TMEM163: variants seen among roughly 807,000 people sequenced by gnomAD.
TMEM163 encodes the protein transmembrane protein 163.
In TMEM163, 17 loss-of-function variants were observed where a neutral mutation model predicts 29.3. The observed-to-expected ratio is 0.58, with a 90% CI of 0.40 to 0.87. The LOEUF (loss-of-function observed/expected upper bound fraction) is 0.87, where lower values mean the gene tolerates loss of function less well. Among genes scored for constraint, TMEM163 ranks in the 40% least tolerant of loss-of-function variants. TMEM163 has a pLI of 0.00. For missense variants in TMEM163, 303 were observed against 381.5 expected (o/e 0.79, Z 1.71); for synonymous variants, 157 against 160.6 (o/e 0.98, Z 0.17).
At chr2:134,558,210 G>C (rs1681090499) in intron 2 of TMEM163, among the ~76,000 whole-genome samples, 1 of 152,154 alleles carries the variant, frequency 6.6e-6, no homozygotes, top group African/African-American at 2.4e-5. Context: ...TCAGTGGTTT[G>C]TTAATGGCCC....
intron 2 of TMEM163, among the ~76,000 whole-genome samples, chr2:134,694,230 T>C (rs544590157): frequency 6.6e-6 from 1 of 152,326 alleles, no homozygotes; most frequent in African/African-American, 2.4e-5. Flanking sequence ...AGGTAAACCA[T>C]TCAATTAACC....
rs549334292 is a variant in TMEM163 at position 134,665,410 on chromosome 2, C to T, written c.322+47790G>A. 5.3e-4 allele frequency among the ~76,000 whole-genome samples: 80 copies of T among 152,250 alleles called. 1 individual carries two copies. The highest frequency in any genetic ancestry group is 1.5e-3 in the African/African-American group (61 of 41,554). On this transcript the variant is annotated intron_variant, in intron 2 of 7. Coordinates refer to ENST00000281924, the MANE Select transcript of TMEM163 (RefSeq NM_030923.5). Reference sequence around the variant, plus strand: ...CTTATTCACTATCATGAGAACGGCACGGGAAAACATGCCTCCATGATTCAA... The same window carrying T: ...CTTATTCACTATCATGAGAACGGCATGGGAAAACATGCCTCCATGATTCAA...
chr2:134,604,730 T>G (rs1240406094), intron 2 of TMEM163, among the ~76,000 whole-genome samples: 1 of 152,194 alleles, frequency 6.6e-6, no homozygotes, highest in Non-Finnish European at 1.5e-5. Context: ...AGCAACCCAA[T>G]TTTTCAAAAT....
At chr2:134,606,962 G>C (rs1682386271) in intron 2 of TMEM163, among the ~76,000 whole-genome samples, 2 of 146,236 alleles carry the variant, frequency 1.4e-5, no homozygotes, top group African/African-American at 5.4e-5. Flanking sequence ...CCCGAGAACT[G>C]TACTGGTGAA....
intron 2 of TMEM163, among the ~76,000 whole-genome samples, chr2:134,708,017 G>A (rs1157455407): frequency 6.6e-6 from 1 of 151,748 alleles, no homozygotes; most frequent in Admixed American, 6.6e-5. Context: ...CTCCCAAGTA[G>A]CTGGGATAAC....
At chr2:134,493,436 C>G (rs1467864708) in intron 5 of TMEM163, among the ~76,000 whole-genome samples, 2 of 122,176 alleles carry the variant, frequency 1.6e-5, no homozygotes, top group East Asian at 2.9e-4. Context: ...TACAGTGGTG[C>G]AGTCTCAGCT....
rs144261926 is a variant in TMEM163, at chr2:134,678,116, G to A, written c.322+35084C>T. ...GATTCTGCTGCTTCTGCTCCAGAAC[G>A]TCCATTTTCCTGGACTGCACTGGGC... On this transcript the variant is annotated intron_variant, in intron 2 of 7. Transcript: ENST00000281924. Among the ~76,000 whole-genome samples, 694 of 152,286 alleles carry A rather than the reference G, an allele frequency of 4.6e-3. 4 individuals are homozygous for A. The highest frequency in any genetic ancestry group is 0.016 in the African/African-American group (658 of 41,554).
At chr2:134,509,555 G>A (rs966211509) in intron 4 of TMEM163, among the ~76,000 whole-genome samples, 4 of 152,196 alleles carry the variant, frequency 2.6e-5, no homozygotes, top group Admixed American at 6.5e-5. Flanking sequence ...CAGCCACAGC[G>A]ACCGCTTCAC....
intron 1 of TMEM163, among the ~76,000 whole-genome samples, chr2:134,716,521 C>G (rs1252154393): frequency 6.6e-6 from 1 of 152,102 alleles, no homozygotes; most frequent in African/African-American, 2.4e-5. Flanking sequence ...AATACAGGTG[C>G]AGATCCGAGG....
chr2:134,558,128 C>T (rs1463723874), intron 2 of TMEM163, among the ~76,000 whole-genome samples: 2 of 152,068 alleles, frequency 1.3e-5, no homozygotes, highest in Non-Finnish European at 2.9e-5. Flanking sequence ...TCTAACAGGG[C>T]GGCATATGAC....
At chr2:134,617,609 A>G (rs1682636824) in intron 2 of TMEM163, among the ~76,000 whole-genome samples, 1 of 152,148 alleles carries the variant, frequency 6.6e-6, no homozygotes, top group Non-Finnish European at 1.5e-5. Flanking sequence ...CTCAAAAAAA[A>G]AAAAAAATCA....
chr2:134,514,407 TAA>T (rs1240279249), intron 4 of TMEM163, among the ~76,000 whole-genome samples: 2 of 89,192 alleles, frequency 2.2e-5, no homozygotes, highest in Non-Finnish European at 4.4e-5. Context: ...TTTTTTTTTT[TAA>T]AAAAAGAGGT....
At chr2:134,696,068 A>G (rs1281941081) in intron 2 of TMEM163, among the ~76,000 whole-genome samples, 2 of 96,648 alleles carry the variant, frequency 2.1e-5, no homozygotes, top group Non-Finnish European at 4.1e-5. Flanking sequence ...AAAAAAAAAA[A>G]GGTTTAAATT....
chr2:134,491,632 G>A (rs970066037), intron 5 of TMEM163, among the ~76,000 whole-genome samples: 1 of 152,206 alleles, frequency 6.6e-6, no homozygotes. Context: ...TCTGGAAGGA[G>A]TGGTTTTATT....
chr2:134,524,712 T>C (rs1401182630), intron 4 of TMEM163, among the ~76,000 whole-genome samples: 1 of 150,472 alleles, frequency 6.6e-6, no homozygotes, highest in Non-Finnish European at 1.5e-5. Flanking sequence ...TTCCTTTTTA[T>C]GGCTGCGTAG....
intron 2 of TMEM163, among the ~76,000 whole-genome samples, chr2:134,701,395 T>C (rs984242616): frequency 2.2e-4 from 33 of 152,210 alleles, no homozygotes; most frequent in African/African-American, 7.5e-4. Context: ...GGTAGCACAG[T>C]ATAATAAAGA....
chr2:134,487,418 C>A (rs1679339828), intron 5 of TMEM163, among the ~76,000 whole-genome samples: 1 of 151,932 alleles, frequency 6.6e-6, no homozygotes, highest in African/African-American at 2.4e-5. Flanking sequence ...TAAAAGAAAA[C>A]CTTAACAGAG....
chr2:134,474,089 A>G (rs750300568), intron 5 of TMEM163, among the ~76,000 whole-genome samples: 2 of 152,242 alleles, frequency 1.3e-5, no homozygotes, highest in Non-Finnish European at 2.9e-5. Flanking sequence ...GCTCTCATGA[A>G]TCAGACTTAA....
chr2:134,516,518 G>A (rs370817992), intron 4 of TMEM163, among the ~76,000 whole-genome samples: 16 of 151,220 alleles, frequency 1.1e-4, no homozygotes, highest in Admixed American at 5.3e-4. Flanking sequence ...CTGAGATTGC[G>A]CCACTGCACT....
Sources: gnomAD v4.1 joint callset for allele counts (sites outside exome capture counted in the v4.1 genomes callset) on GRCh38, gnomAD v4.1.1 for gene constraint, MANE v1.5 for transcripts, NCBI Gene and HGNC (gene_info 2026-07-23, HGNC 2026-07-21) for gene names.